The following MFSD1 variants were observed in gnomAD, a reference collection of about 807,000 sequenced individuals.
MFSD1 encodes lysosomal dipeptide transporter MFSD1.
In MFSD1, 59 loss-of-function variants were observed where a neutral mutation model predicts 67.1. The observed-to-expected ratio is 0.88, with a 90% confidence interval of 0.71 to 1.09. The LOEUF is 1.09. Among genes scored for constraint, MFSD1 ranks in the 50% least tolerant of loss-of-function variants. MFSD1 has a pLI of 0.00. For missense variants in MFSD1, 552 were observed against 566.1 expected (o/e 0.97, Z 0.25); for synonymous variants, 213 against 200.3 (o/e 1.06, Z -0.54).
chr3:158,817,722 C>G (rs566138645), intron 7 of MFSD1, among the ~76,000 whole-genome samples: 2 of 152,262 alleles, frequency 1.3e-5, no homozygotes, highest in East Asian at 1.9e-4. Context: ...CTACCAATGA[C>G]TTTCTTCACA....
intron 15 of MFSD1, 76 bp downstream of exon 15, chr3:158,827,413 C>A: frequency 5.3e-6 from 4 of 749,748 alleles, no homozygotes; most frequent in Non-Finnish European, 8.0e-6. Context: ...AAGGTTTGGG[C>A]TTTGAAGTTT....
chr3:158,826,620 A>G (rs1339052763), intron 14 of MFSD1, among the ~76,000 whole-genome samples: 2 of 151,498 alleles, frequency 1.3e-5, no homozygotes, highest in Non-Finnish European at 2.9e-5. Context: ...TATGCTGTGT[A>G]AATAATTTCA....
At chr3:158,827,557 G>C (rs1326647774) in intron 15 of MFSD1, among the ~76,000 whole-genome samples, 4 of 151,924 alleles carry the variant, frequency 2.6e-5, no homozygotes, top group Middle Eastern at 3.4e-3. Flanking sequence ...TGGGACTACA[G>C]TTGTGTGTCA....
rs770297481 is a variant in MFSD1, at chr3:158,822,079, C to T, written c.1016C>T (p.Ala339Val). Residue 339 changes from alanine to valine, a missense_variant, in exon 11 of 16, where the codon GCA becomes GTA. By Grantham distance (64) the Ala-to-Val change is moderately conservative (BLOSUM62 0). Coordinates refer to ENST00000415822, the MANE Select transcript of MFSD1 (RefSeq NM_022736.4). ...KNIIWVLCAV[A>V]ATLVSHMMLA... is the part of the protein sequence containing the mutation. ...ATCATCTGGGTTCTTTGCGCAGTAG[C>T]AGCCACTCTTGTGTCCCACATGATG... 6.2e-7 allele frequency: 1 copy of T among 1,613,982 alleles called. No individual in the cohort carries two copies. Among genetic ancestry groups the T allele is most frequent in the African/African-American group, 1.3e-5 (1 of 75,048 alleles).
At chr3:158,809,410 A>G (rs1164424905) in intron 6 of MFSD1, 123 bp downstream of exon 6, 6 of 629,036 alleles carry the variant, frequency 9.5e-6, no homozygotes, top group African/African-American at 3.7e-5. Flanking sequence ...ACTTTTATGG[A>G]TTTCTCTAGA....
At chr3:158,826,784 T>C (rs1205319313) in intron 14 of MFSD1, among the ~76,000 whole-genome samples, 1 of 151,778 alleles carries the variant, frequency 6.6e-6, no homozygotes, top group Non-Finnish European at 1.5e-5. Context: ...CCTCCCACTT[T>C]AGCCTCCCAA....
At chr3:158,813,916 G>C in intron 6 of MFSD1, 49 bp from the exon 7 acceptor site, 1 of 1,334,996 alleles carries the variant, frequency 7.5e-7, no homozygotes, top group Non-Finnish European at 1.1e-6. Context: ...ACAAAGCAGA[G>C]ATATATATGA....
In MFSD1 at chr3:158,803,233, G is replaced by T. The variant is rs148240316; in HGVS notation, c.163+918G>T. ...TTTGGTATGAATGTGTTTTTCAGGA[G>T]GCTAGCTGGAGCCCGTGTAATCAGC... On this transcript the variant is annotated intron_variant, in intron 1 of 15. Coordinates refer to ENST00000415822, the MANE Select transcript of MFSD1 (RefSeq NM_022736.4). 2.6e-4 allele frequency among the ~76,000 whole-genome samples: 40 copies of T among 152,258 alleles called. No homozygotes were observed. In the East Asian group the frequency reaches 6.7e-3, roughly 26 times the overall value.
Position 158,807,585 on chromosome 3 carries a change from A to G in MFSD1, c.440+122A>G. ...CTTCAAATCTTTGAAACCTAGCTTC[A>G]TATGCATAAGAGTATTTCTTAGTTG... On this transcript the variant is annotated intron_variant, in intron 5 of 15. Coordinates refer to ENST00000415822, the MANE Select transcript of MFSD1 (RefSeq NM_022736.4). 1.0e-5 allele frequency: 8 copies of G among 764,150 alleles called. No homozygotes were observed. In the South Asian group the frequency reaches 1.2e-4, roughly 11 times the overall value. 47.3% of individuals were successfully genotyped at this position (764,150 alleles called of 1,614,324 possible). A position where few individuals can be genotyped will look rare whatever the true frequency, so the allele number is the denominator to read the frequency against.
intron 11 of MFSD1, 27 bp from the exon 12 acceptor site, chr3:158,823,401 T>G: frequency 4.1e-6 from 6 of 1,474,416 alleles, no homozygotes; most frequent in Non-Finnish European, 4.8e-6. Flanking sequence ...TGTAAGACTG[T>G]GACCTTTTCT....
intron 2 of MFSD1, among the ~76,000 whole-genome samples, chr3:158,804,751 T>C (rs1444388671): frequency 6.6e-6 from 1 of 152,228 alleles, no homozygotes; most frequent in East Asian, 1.9e-4. Flanking sequence ...TGTTATTTTG[T>C]TTTTTAAATG....
intron 9 of MFSD1, among the ~76,000 whole-genome samples, chr3:158,820,800 GA>G (rs902313596): frequency 7.9e-5 from 12 of 152,244 alleles, no homozygotes; most frequent in Non-Finnish European, 1.3e-4. Flanking sequence ...CAGCTTGGGG[GA>G]AACCACTCCC....
At position 158,819,741 on chromosome 3, in the gene MFSD1, AAAACAGGTAAGTCT is replaced by A; in HGVS notation, c.749_751+11del. On this transcript the variant is annotated splice_donor_variant and splice_donor_5th_base_variant and coding_sequence_variant and intron_variant, in exon 8 of 16. Coordinates refer to ENST00000415822, the MANE Select transcript of MFSD1 (RefSeq NM_022736.4). LOFTEE classifies it high-confidence loss of function. ...GAGAATCCTTCATAAAGAACAAGGA[AAAACAGGTAAGTCT>A]AAATGAAAGAATGGGACTTAGGGGA... 1 of 1,587,442 alleles carries A rather than the reference AAAACAGGTAAGTCT, an allele frequency of 6.3e-7. No homozygotes were observed. The highest frequency in any genetic ancestry group is 8.6e-7 in the Non-Finnish European group (1 of 1,158,848).
At position 158,807,314 on chromosome 3, in the gene MFSD1, A is replaced by C. The variant is rs1400032650; in HGVS notation, c.373-82A>C. The stretch of plus-strand genomic sequence containing the variant: ...AATATTAAAACTATTGTAGAAGTTG[A>C]GATTTATCATGTTCCTTTTGCTTCT... On this transcript the variant is annotated intron_variant, in intron 4 of 15. Transcript: ENST00000415822. 1.1e-5 allele frequency: 12 copies of C among 1,124,568 alleles called. No homozygotes were observed. In the African/African-American group the frequency reaches 1.7e-4, roughly 16 times the overall value. 69.7% of individuals were successfully genotyped at this position (1,124,568 alleles called of 1,614,324 possible). A position where few individuals can be genotyped will look rare whatever the true frequency, so the allele number is the denominator to read the frequency against.
In MFSD1 at chr3:158,820,261, G is replaced by A; in HGVS notation, c.798G>A (p.Leu266=). ...LTDVKDFSLP[L]WLIFIICVCY... ...ATGTAAAGGACTTCTCCTTACCCCT[G>A]TGGCTTATATTTATCATCTGTGTCT... The change falls in exon 9 of 16, where the codon CTG becomes CTA. Residue 266 remains leucine (L), a synonymous_variant. Coordinates refer to ENST00000415822, the MANE Select transcript of MFSD1 (RefSeq NM_022736.4). The A allele has an allele frequency of 1.2e-6, 2 of 1,612,164 alleles. No homozygotes were observed. Among genetic ancestry groups the A allele is most frequent in the South Asian group, 1.1e-5 (1 of 91,006 alleles).
intron 11 of MFSD1, 169 bp downstream of exon 11, chr3:158,822,309 G>C (rs1013626108): frequency 6.7e-6 from 3 of 448,754 alleles, no homozygotes; most frequent in Middle Eastern, 6.1e-4. Flanking sequence ...GTATAATTAT[G>C]AATTATTAAC....
chr3:158,802,254 C>A lies in MFSD1; in HGVS notation c.102C>A (p.Cys34Ter). The change falls in exon 1 of 16, where the codon TGC (cysteine) becomes TGA (stop). Residue 34 changes from cysteine (C) to a stop codon, truncating the protein, a stop_gained. Coordinates refer to ENST00000415822, the MANE Select transcript of MFSD1 (RefSeq NM_022736.4). LOFTEE classifies it high-confidence loss of function. Reference protein sequence around the residue: ...PAAPGALPALCDPSRLAHRLL... With the variant: ...PAAPGALPAL ...CCCCTGGAGCCCTGCCGGCCCTCTG[C>A]GACCCCAGTCGCCTGGCGCACCGGC... 6.2e-7 allele frequency: 1 copy of A among 1,611,396 alleles called. No homozygotes were observed. Among genetic ancestry groups the A allele is most frequent in the Non-Finnish European group, 8.5e-7 (1 of 1,178,714 alleles).
intron 6 of MFSD1, among the ~76,000 whole-genome samples, chr3:158,811,405 A>C (rs1394589831): frequency 1.3e-5 from 2 of 152,216 alleles, no homozygotes; most frequent in African/African-American, 4.8e-5. Flanking sequence ...TGTAGAATTC[A>C]GGGGAAAAAT....
intron 6 of MFSD1, 130 bp downstream of exon 6, chr3:158,809,417 T>G: frequency 1.7e-6 from 1 of 597,422 alleles, no homozygotes. Context: ...TGGATTTCTC[T>G]AGAACACAGC....
Sources: allele counts gnomAD v4.1 joint callset (sites outside exome capture counted in the v4.1 genomes callset), GRCh38; gene constraint gnomAD v4.1.1; transcripts MANE v1.5; gene names NCBI Gene and HGNC (gene_info 2026-07-23, HGNC 2026-07-21).